KCNMA1: variants seen among roughly 807,000 people sequenced by gnomAD.
The protein encoded by KCNMA1 is potassium calcium-activated channel subfamily M alpha 1.
KCNMA1 carries 29 observed loss-of-function variants against 140.0 expected under a neutral mutation model. The observed-to-expected ratio is 0.21, with a 90% CI of 0.15 to 0.28. The LOEUF is 0.28. Among genes scored for constraint, KCNMA1 ranks in the 10% least tolerant of loss-of-function variants. The probability of loss-of-function intolerance (pLI) is 1.00; values close to 1 mark genes in which losing one functional copy is unlikely to be tolerated. For missense variants in KCNMA1, 880 were observed against 1,602.2 expected, an observed-to-expected ratio of 0.55 and a Z score of 7.70; for synonymous variants, 612 against 611.9, an observed-to-expected ratio of 1.00 and a Z score of 0.00.
chr10:76,962,970 G>A (rs145180429), intron 20 of KCNMA1, among the ~76,000 whole-genome samples: 13 of 152,294 alleles, frequency 8.5e-5, no homozygotes, highest in Admixed American at 3.9e-4. Flanking sequence ...CAGGGACTGC[G>A]TATGAATTAG....
At chr10:77,457,568 C>T (rs2154522666) in intron 1 of KCNMA1, among the ~76,000 whole-genome samples, 1 of 152,250 alleles carries the variant, frequency 6.6e-6, no homozygotes, top group Admixed American at 6.5e-5. Flanking sequence ...CCTGCCATTG[C>T]TATTCTCTGG....
At chr10:77,630,415 G>A (rs147517607) in intron 1 of KCNMA1, among the ~76,000 whole-genome samples, 3 of 152,182 alleles carry the variant, frequency 2.0e-5, no homozygotes, top group Admixed American at 1.3e-4. Context: ...CACTGCTCTG[G>A]CCACCACAAC....
At chr10:76,972,582 A>G (rs1007454101) in intron 19 of KCNMA1, among the ~76,000 whole-genome samples, 4 of 152,252 alleles carry the variant, frequency 2.6e-5, no homozygotes, top group African/African-American at 4.8e-5. Flanking sequence ...TCATTCTGGT[A>G]GTAAAGTTAT....
At chr10:77,287,931 G>A (rs952322985) in intron 2 of KCNMA1, among the ~76,000 whole-genome samples, 1 of 152,222 alleles carries the variant, frequency 6.6e-6, no homozygotes, top group African/African-American at 2.4e-5. Flanking sequence ...CAATTTGATG[G>A]AAAGGGCAAA....
At chr10:76,966,600 G>C (rs2153107978) in intron 20 of KCNMA1, among the ~76,000 whole-genome samples, 1 of 152,296 alleles carries the variant, frequency 6.6e-6, no homozygotes, top group Non-Finnish European at 1.5e-5. Context: ...AATGAGGAAA[G>C]ACGTGGCTAT....
chr10:76,922,763 TTA>T (rs1206788828), intron 23 of KCNMA1, among the ~76,000 whole-genome samples: 1 of 152,184 alleles, frequency 6.6e-6, no homozygotes, highest in Non-Finnish European at 1.5e-5. Flanking sequence ...GACATTCCAG[TTA>T]TATGTCTCTG....
At chr10:77,618,634 A>G (rs759471721) in intron 1 of KCNMA1, among the ~76,000 whole-genome samples, 3 of 152,216 alleles carry the variant, frequency 2.0e-5, no homozygotes, top group Non-Finnish European at 4.4e-5. Flanking sequence ...GGCCAAGCAT[A>G]TCAGAGGCCA....
chr10:77,480,752 C>T (rs563374048), intron 1 of KCNMA1, among the ~76,000 whole-genome samples: 2 of 152,138 alleles, frequency 1.3e-5, no homozygotes, highest in South Asian at 2.1e-4. Flanking sequence ...TCCCTGACAA[C>T]CCTACCCACA....
In KCNMA1 at chr10:77,595,715, G is replaced by A. The variant is rs987564034; in HGVS notation, c.378+41550C>T. The stretch of plus-strand genomic sequence containing the variant: ...GACTCTCACTCTGTTGCCCAGGCTG[G>A]AGTGCAGTGGCGCAATCTTTGCCTC... On this transcript the variant is annotated intron_variant, in intron 1 of 27. Transcript: ENST00000286628. 1.3e-4 allele frequency among the ~76,000 whole-genome samples: 20 copies of A among 152,178 alleles called. No individual in the cohort carries two copies. The East Asian group carries it at 3.7e-3, about 28-fold the overall frequency.
intron 2 of KCNMA1, among the ~76,000 whole-genome samples, chr10:77,339,181 A>C (rs1000642131): frequency 6.6e-6 from 1 of 151,044 alleles, no homozygotes; most frequent in Non-Finnish European, 1.5e-5. Context: ...CAATAAAGGA[A>C]AAAAAAAAGG....
chr10:77,621,134 T>C (rs574284013), intron 1 of KCNMA1, among the ~76,000 whole-genome samples: 14 of 152,338 alleles, frequency 9.2e-5, no homozygotes, highest in Admixed American at 2.0e-4. Flanking sequence ...TGAAATATAA[T>C]AATGTATTTC....
At chr10:77,153,451 A>C (rs2098447480) in intron 5 of KCNMA1, among the ~76,000 whole-genome samples, 1 of 152,004 alleles carries the variant, frequency 6.6e-6, no homozygotes, top group African/African-American at 2.4e-5. Context: ...GGCTCACTGC[A>C]ACCTCAGTCT....
intron 25 of KCNMA1, among the ~76,000 whole-genome samples, chr10:76,908,383 G>C (rs1480198872): frequency 6.6e-6 from 1 of 152,172 alleles, no homozygotes; most frequent in East Asian, 1.9e-4. Context: ...TTGTTGGCTT[G>C]GAAAGCCATG....
intron 2 of KCNMA1, among the ~76,000 whole-genome samples, chr10:77,398,356 ATC>A (rs1426949555): frequency 2.0e-5 from 3 of 152,134 alleles, no homozygotes. Flanking sequence ...CCTCACCAAC[ATC>A]TGTTATTTTT....
chr10:77,348,176 A>G (rs2092429715), intron 2 of KCNMA1, among the ~76,000 whole-genome samples: 1 of 152,210 alleles, frequency 6.6e-6, no homozygotes, highest in African/African-American at 2.4e-5. Context: ...ACTTGTAAAT[A>G]CGAGGAAACC....
chr10:77,546,007 C>T (rs929104521), intron 1 of KCNMA1, among the ~76,000 whole-genome samples: 1 of 152,204 alleles, frequency 6.6e-6, no homozygotes, highest in Non-Finnish European at 1.5e-5. Context: ...GGCCATTCCC[C>T]AGTTACCATC....
intron 3 of KCNMA1, among the ~76,000 whole-genome samples, chr10:77,205,581 A>C (rs2043818687): frequency 6.6e-6 from 1 of 152,032 alleles, no homozygotes; most frequent in African/African-American, 2.4e-5. Context: ...AACCTTCAAA[A>C]AATATAGTAA....
intron 2 of KCNMA1, among the ~76,000 whole-genome samples, chr10:77,252,468 T>G (rs1441154699): frequency 2.0e-5 from 3 of 151,816 alleles, no homozygotes; most frequent in African/African-American, 7.3e-5. Context: ...CTCTCAGGCC[T>G]TGGCTGGTGG....
At chr10:77,223,185 T>C (rs554833925) in intron 3 of KCNMA1, among the ~76,000 whole-genome samples, 1 of 151,632 alleles carries the variant, frequency 6.6e-6, no homozygotes, top group South Asian at 2.1e-4. Flanking sequence ...GCTGAGATCA[T>C]GCCATTGCAC....
Sources: gnomAD v4.1 joint callset for allele counts (sites outside exome capture counted in the v4.1 genomes callset) on GRCh38, gnomAD v4.1.1 for gene constraint, MANE v1.5 for transcripts, NCBI Gene and HGNC (gene_info 2026-07-23, HGNC 2026-07-21) for gene names.